Variants in DYNC1I1 observed in about 807,000 individuals in gnomAD.
DYNC1I1 encodes the protein cytoplasmic dynein 1 intermediate chain 1.
Under a neutral mutation model 86.6 loss-of-function variants are expected in DYNC1I1, and 43 were observed. The ratio of observed to expected loss-of-function variants is 0.50; its 90% confidence interval spans 0.39 to 0.64. DYNC1I1 has a LOEUF of 0.64. DYNC1I1 is among the 30% of genes least tolerant of loss of function. The pLI is 0.00. For missense variants in DYNC1I1, 604 were observed against 788.8 expected (o/e 0.77, Z 2.81); for synonymous variants, 262 against 283.7 (o/e 0.92, Z 0.77).
intron 14 of DYNC1I1, among the ~76,000 whole-genome samples, chr7:96,065,551 GGTTT>G (rs1789951021): frequency 6.6e-6 from 1 of 151,632 alleles, no homozygotes; most frequent in Admixed American, 6.6e-5. Flanking sequence ...CTAAATTTTT[GGTTT>G]GTTTGTTTGT....
intron 10 of DYNC1I1, among the ~76,000 whole-genome samples, chr7:96,003,555 T>G (rs1478316857): frequency 6.6e-6 from 1 of 152,226 alleles, no homozygotes. Flanking sequence ...ATTTTCTTTA[T>G]CCTACAACAT....
intron 4 of DYNC1I1, chr7:95,819,091 G>A (rs982410596): frequency 2.1e-4 from 32 of 152,090 alleles, no homozygotes; most frequent in African/African-American, 7.7e-4. Flanking sequence ...AATGTCTTCT[G>A]AAGCACATCA....
chr7:96,082,241 G>T (rs1347538921), intron 16 of DYNC1I1, among the ~76,000 whole-genome samples: 1 of 150,770 alleles, frequency 6.6e-6, no homozygotes, highest in Non-Finnish European at 1.5e-5. Context: ...ATTCTTTATT[G>T]GTCACTTCCT....
intron 16 of DYNC1I1, among the ~76,000 whole-genome samples, chr7:96,083,467 A>C (rs972411819): frequency 2.0e-5 from 3 of 146,706 alleles, no homozygotes; most frequent in Admixed American, 2.0e-4. Context: ...AAAGAGGTAG[A>C]TCCCTTAAGG....
At position 95,783,666 on chromosome 7, in the gene DYNC1I1, C is replaced by G. The variant is rs141665434; in HGVS notation, c.-10+10893C>G. 6.3e-3 allele frequency among the ~76,000 whole-genome samples: 961 copies of G among 152,272 alleles called. 21 individuals carry two copies. The highest frequency in any genetic ancestry group is 0.018 in the East Asian group (94 of 5,180). On this transcript the variant is annotated intron_variant, in intron 1 of 16. Transcript: ENST00000447467. ...TGACCAGACATCAGTGTTACACAGA[C>G]AAAAACATTTCAATTAATGTTTTAC...
intron 10 of DYNC1I1, among the ~76,000 whole-genome samples, chr7:96,002,862 T>G (rs71564814): frequency 0.032 from 4,927 of 151,982 alleles, 107 homozygotes; most frequent in Middle Eastern, 0.044. Flanking sequence ...TGTTTGTTTT[T>G]GAGACAGAAT....
At chr7:95,962,978 A>G (rs1035868693) in intron 6 of DYNC1I1, among the ~76,000 whole-genome samples, 2 of 152,112 alleles carry the variant, frequency 1.3e-5, no homozygotes, top group Admixed American at 6.6e-5. Flanking sequence ...GAATGACTCT[A>G]TTTAACTTGG....
intron 16 of DYNC1I1, among the ~76,000 whole-genome samples, chr7:96,084,181 G>A (rs567453442): frequency 2.0e-5 from 3 of 152,150 alleles, no homozygotes; most frequent in South Asian, 2.1e-4. Context: ...GGGGAGCCCT[G>A]AGCTTGGGTC....
At position 95,915,292 on chromosome 7, in the gene DYNC1I1, C is replaced by T. The variant is rs185575658; in HGVS notation, c.490+45294C>T. On this transcript the variant is annotated intron_variant, in intron 6 of 16. Coordinates refer to ENST00000447467, the MANE Select transcript of DYNC1I1 (RefSeq NM_001135556.2). ...CCAGTACAACCCTGAAAAGTATTTA[C>T]AGATCAGGAGCCTGAGATCAGAAAG... 1.6e-3 allele frequency among the ~76,000 whole-genome samples: 238 copies of T among 152,324 alleles called. 1 individual carries two copies. In the Middle Eastern group the frequency reaches 0.017, roughly 11 times the overall value.
intron 6 of DYNC1I1, among the ~76,000 whole-genome samples, chr7:95,957,802 C>G (rs1469328020): frequency 6.6e-6 from 1 of 152,148 alleles, no homozygotes; most frequent in South Asian, 2.1e-4. Flanking sequence ...GTGAAGAGCT[C>G]CATCCCCAGG....
intron 6 of DYNC1I1, among the ~76,000 whole-genome samples, chr7:95,970,252 C>T (rs1793131298): frequency 1.3e-5 from 2 of 152,188 alleles, no homozygotes; most frequent in Non-Finnish European, 2.9e-5. Context: ...GTCAGGTTCT[C>T]AACTGCTGCT....
chr7:95,845,425 C>G, intron 5 of DYNC1I1, among the ~76,000 whole-genome samples: 1 of 152,086 alleles, frequency 6.6e-6, no homozygotes, highest in East Asian at 1.9e-4. Flanking sequence ...CAGATGTAAC[C>G]CCATTAGCCT....
rs550616703 is a variant in DYNC1I1 at position 95,774,078 on chromosome 7, C to CT, written c.-10+1306dup. Among the ~76,000 whole-genome samples, 276 of 152,322 alleles carry CT rather than the reference C, an allele frequency of 1.8e-3. 2 individuals are homozygous for CT. The highest frequency in any genetic ancestry group is 5.8e-3 in the African/African-American group (242 of 41,566). ...AAAATAAAATCTGAAACACCTGCCA[C>CT]TGAGTTACCACATGTTCTCTTCATA... On this transcript the variant is annotated intron_variant, in intron 1 of 16. Coordinates refer to ENST00000447467, the MANE Select transcript of DYNC1I1 (RefSeq NM_001135556.2).
At chr7:96,094,901 G>T (rs1169837432) in intron 16 of DYNC1I1, among the ~76,000 whole-genome samples, 1 of 152,130 alleles carries the variant, frequency 6.6e-6, no homozygotes, top group African/African-American at 2.4e-5. Flanking sequence ...AAGATACCAT[G>T]AAAAGGAAAA....
chr7:95,813,588 C>T (rs1794881904), intron 4 of DYNC1I1, among the ~76,000 whole-genome samples: 1 of 152,100 alleles, frequency 6.6e-6, no homozygotes, highest in African/African-American at 2.4e-5. Flanking sequence ...GCTTAACAAA[C>T]ACACACATAT....
At chr7:96,065,635 G>A (rs777311899) in intron 14 of DYNC1I1, among the ~76,000 whole-genome samples, 10 of 152,026 alleles carry the variant, frequency 6.6e-5, no homozygotes, top group Non-Finnish European at 8.8e-5. Flanking sequence ...CAATTTGCCC[G>A]CCTTGGTCTC....
At chr7:95,934,580 G>T (rs969443810) in intron 6 of DYNC1I1, among the ~76,000 whole-genome samples, 1 of 152,092 alleles carries the variant, frequency 6.6e-6, no homozygotes, top group Non-Finnish European at 1.5e-5. Flanking sequence ...TATGAACAGA[G>T]AATGAAGGCA....
chr7:96,011,438 A>C (rs566340553), intron 10 of DYNC1I1, among the ~76,000 whole-genome samples: 1 of 152,294 alleles, frequency 6.6e-6, no homozygotes, highest in Non-Finnish European at 1.5e-5. Flanking sequence ...GTTATGTGCT[A>C]TGTTAAACCC....
At chr7:95,980,645 G>A (rs319322) in intron 7 of DYNC1I1, among the ~76,000 whole-genome samples, 41,456 of 148,530 alleles carry the variant, frequency 0.28, 6,779 homozygotes, top group East Asian at 0.62. Context: ...TTTTGCCCAC[G>A]TGACATCAAA....
Sources: allele counts gnomAD v4.1 joint callset (sites outside exome capture counted in the v4.1 genomes callset), GRCh38; gene constraint gnomAD v4.1.1; transcripts MANE v1.5; gene names NCBI Gene and HGNC (gene_info 2026-07-23, HGNC 2026-07-21).